The following CERS6 variants were observed in gnomAD, a reference collection of about 807,000 sequenced individuals.
CERS6 encodes ceramide synthase 6, also known as LAG1 homolog, ceramide synthase 6.
CERS6 carries 26 observed loss-of-function variants against 56.8 expected under a neutral mutation model. The ratio of observed to expected loss-of-function variants is 0.46; its 90% CI spans 0.34 to 0.63. The LOEUF (loss-of-function observed/expected upper bound fraction) is 0.63. Among genes scored for constraint, CERS6 ranks in the 30% least tolerant of loss-of-function variants. The pLI, the probability that CERS6 is intolerant of heterozygous loss-of-function variation, is 0.01. For synonymous variants in CERS6, 164 were observed against 173.3 expected, an observed-to-expected ratio of 0.95 and a Z score of 0.42; for missense variants, 415 against 467.5, an observed-to-expected ratio of 0.89 and a Z score of 1.04.
chr2:168,541,370 T>C (rs1695366156), intron 1 of CERS6, among the ~76,000 whole-genome samples: 1 of 152,176 alleles, frequency 6.6e-6, no homozygotes, highest in African/African-American at 2.4e-5. Context: ...CTAATATTGT[T>C]CCCCCTAGTT....
At chr2:168,753,238 TTC>T (rs1684327581) in intron 8 of CERS6, among the ~76,000 whole-genome samples, 1 of 152,192 alleles carries the variant, frequency 6.6e-6, no homozygotes, top group Admixed American at 6.5e-5. Context: ...ATACTGTCAG[TTC>T]TCTGAGTAAG....
At position 168,698,171 on chromosome 2, in the gene CERS6, C is replaced by T. The variant is rs148486099; in HGVS notation, c.609+3120C>T. 7.6e-3 allele frequency among the ~76,000 whole-genome samples: 1,004 copies of T among 131,966 alleles called. 10 individuals carry two copies. Among genetic ancestry groups the T allele is most frequent in the African/African-American group, 0.026 (914 of 35,734 alleles). 86.6% of individuals were successfully genotyped at this position (131,966 alleles called of 152,430 possible). ...TTTAGCCAGATATGGTGTTGTGCACCAAGTGAGCCAAGATGGCACCGCCGC... is the reference window on the plus strand; with the variant it reads ...TTTAGCCAGATATGGTGTTGTGCACTAAGTGAGCCAAGATGGCACCGCCGC... On this transcript the variant is annotated intron_variant, in intron 6 of 9. Coordinates refer to ENST00000305747, the MANE Select transcript of CERS6 (RefSeq NM_203463.3).
intron 3 of CERS6, among the ~76,000 whole-genome samples, chr2:168,602,365 T>G (rs1027925073): frequency 1.3e-5 from 2 of 152,242 alleles, no homozygotes. Flanking sequence ...ATTTTAGTAC[T>G]TTTGCTAAAT....
At chr2:168,682,081 G>C (rs1387550654) in intron 4 of CERS6, among the ~76,000 whole-genome samples, 1 of 152,098 alleles carries the variant, frequency 6.6e-6, no homozygotes, top group Admixed American at 6.6e-5. Flanking sequence ...CAATAAACAT[G>C]GGAATGCAGA....
chr2:168,743,147 CATAT>C (rs148464862), intron 8 of CERS6, among the ~76,000 whole-genome samples: 3 of 146,040 alleles, frequency 2.1e-5, no homozygotes, highest in African/African-American at 7.6e-5. Flanking sequence ...TGTCTATATT[CATAT>C]ATATATATAT....
At chr2:168,545,542 G>T (rs1195117099) in intron 1 of CERS6, among the ~76,000 whole-genome samples, 1 of 151,710 alleles carries the variant, frequency 6.6e-6, no homozygotes, top group African/African-American at 2.4e-5. Flanking sequence ...CAGAGGTGAG[G>T]AAGTTGAAGA....
intron 4 of CERS6, among the ~76,000 whole-genome samples, chr2:168,670,358 C>T (rs746716084): frequency 6.6e-6 from 1 of 152,112 alleles, no homozygotes; most frequent in Non-Finnish European, 1.5e-5. Flanking sequence ...TAGTCACATC[C>T]CCTTCCCCCA....
chr2:168,642,874 G>A (rs572564932), intron 4 of CERS6, among the ~76,000 whole-genome samples: 1 of 152,302 alleles, frequency 6.6e-6, no homozygotes, highest in East Asian at 1.9e-4. Context: ...TAGCCTTGTT[G>A]TGAATTGTCA....
intron 1 of CERS6, among the ~76,000 whole-genome samples, chr2:168,537,555 G>A (rs1695287517): frequency 6.6e-6 from 1 of 151,910 alleles, no homozygotes; most frequent in African/African-American, 2.4e-5. Flanking sequence ...AAAAATCAAT[G>A]TATTATAGAT....
At chr2:168,638,116 T>A (rs1004540036) in intron 4 of CERS6, among the ~76,000 whole-genome samples, 2 of 152,214 alleles carry the variant, frequency 1.3e-5, no homozygotes, top group African/African-American at 2.4e-5. Flanking sequence ...TTTTGCTTTA[T>A]TTATCTGCTA....
chr2:168,546,090 A>G (rs1303823275), intron 1 of CERS6, among the ~76,000 whole-genome samples: 2 of 152,240 alleles, frequency 1.3e-5, no homozygotes, highest in Non-Finnish European at 2.9e-5. Flanking sequence ...AACCTTGTCA[A>G]GGAAACAAGT....
intron 2 of CERS6, among the ~76,000 whole-genome samples, chr2:168,556,089 C>T (rs1695674321): frequency 6.6e-6 from 1 of 152,036 alleles, no homozygotes; most frequent in Non-Finnish European, 1.5e-5. Flanking sequence ...TTCTAACATA[C>T]TCTTAACAGG....
intron 1 of CERS6, among the ~76,000 whole-genome samples, chr2:168,484,794 G>T (rs1293439653): frequency 2.0e-5 from 3 of 152,026 alleles, no homozygotes; most frequent in African/African-American, 4.8e-5. Flanking sequence ...TGATATGTTG[G>T]TATTTTCAGC....
intron 8 of CERS6, among the ~76,000 whole-genome samples, chr2:168,761,450 C>T (rs1041798108): frequency 1.3e-5 from 2 of 152,306 alleles, no homozygotes; most frequent in African/African-American, 4.8e-5. Context: ...CAAAGGTTAA[C>T]TTATAATGAA....
intron 8 of CERS6, among the ~76,000 whole-genome samples, chr2:168,748,283 G>A (rs1333486003): frequency 2.0e-5 from 3 of 152,120 alleles, no homozygotes; most frequent in Non-Finnish European, 4.4e-5. Flanking sequence ...TATGATCAGG[G>A]ACTATGGAAA....
intron 3 of CERS6, among the ~76,000 whole-genome samples, chr2:168,567,926 G>T (rs1049744942): frequency 1.3e-5 from 2 of 152,160 alleles, no homozygotes; most frequent in African/African-American, 4.8e-5. Flanking sequence ...TTGATGAACC[G>T]GACTATGGAC....
intron 4 of CERS6, among the ~76,000 whole-genome samples, chr2:168,641,998 G>A (rs544554001): frequency 6.6e-6 from 1 of 152,208 alleles, no homozygotes; most frequent in East Asian, 1.9e-4. Flanking sequence ...GTAATTAAGT[G>A]AGAATTCTCA....
intron 1 of CERS6, among the ~76,000 whole-genome samples, chr2:168,472,296 G>A (rs1337856681): frequency 6.6e-6 from 1 of 152,136 alleles, no homozygotes; most frequent in Non-Finnish European, 1.5e-5. Flanking sequence ...AATACACCAT[G>A]TGTTCATTAA....
chr2:168,600,646 C>T (rs1683913725), intron 3 of CERS6, among the ~76,000 whole-genome samples: 1 of 152,170 alleles, frequency 6.6e-6, no homozygotes, highest in Admixed American at 6.5e-5. Flanking sequence ...CCTAAAGACA[C>T]CTTGATAATA....
Sources: allele counts gnomAD v4.1 joint callset (sites outside exome capture counted in the v4.1 genomes callset), GRCh38; gene constraint gnomAD v4.1.1; transcripts MANE v1.5; gene names NCBI Gene and HGNC (gene_info 2026-07-23, HGNC 2026-07-21).